MIPOL1: variants seen among roughly 807,000 people sequenced by gnomAD.
MIPOL1 encodes mirror-image polydactyly 1.
In MIPOL1, 57 loss-of-function variants were observed where a neutral mutation model predicts 60.9. The observed-to-expected ratio is 0.94, with a 90% CI of 0.76 to 1.17. The LOEUF (loss-of-function observed/expected upper bound fraction) is 1.17, where lower values mean the gene tolerates loss of function less well. Ranked by LOEUF, MIPOL1 falls within the 50% of genes most tolerant of loss-of-function variation. The pLI is 0.00. For synonymous variants in MIPOL1, 179 were observed against 168.8 expected (o/e 1.06, Z -0.47); for missense variants, 551 against 511.6 (o/e 1.08, Z -0.74).
intron 9 of MIPOL1, among the ~76,000 whole-genome samples, chr14:37,327,963 T>A (rs185964836): frequency 1.3e-5 from 2 of 151,940 alleles, no homozygotes; most frequent in East Asian, 3.9e-4. Flanking sequence ...GAGGTTAGAG[T>A]GTTGTTTGGG....
At position 37,548,256 on chromosome 14, in the gene MIPOL1, G is replaced by T. The variant is rs2095553102; in HGVS notation, c.*1285G>T. On this transcript the variant is annotated 3_prime_UTR_variant, in exon 13 of 13. Transcript: ENST00000684589. ...ATAAGTACATTCAGGACAATTTATT[G>T]TACCATTCTTTCATATACCATAGCA... 1 of 151,876 alleles carries T rather than the reference G, an allele frequency of 6.6e-6. No homozygotes were observed. Among genetic ancestry groups the T allele is most frequent in the East Asian group, 1.9e-4 (1 of 5,186 alleles). 9.4% of individuals were successfully genotyped at this position (151,876 alleles called of 1,614,324 possible).
intron 12 of MIPOL1, chr14:37,545,921 GA>G (rs1479920502): frequency 1.9e-5 from 6 of 320,202 alleles, no homozygotes; most frequent in Non-Finnish European, 3.4e-5. Flanking sequence ...GTCTTTGAGA[GA>G]GGAAGATTGT....
Position 37,204,838 on chromosome 14 carries a change from G to T in MIPOL1, c.-199+6734G>T, listed in dbSNP as rs534142798. On this transcript the variant is annotated intron_variant, in intron 1 of 12. Coordinates refer to ENST00000684589, the MANE Select transcript of MIPOL1 (RefSeq NM_001388067.1). ...CTTTGAAACTGGGTAACAAGCAGAG[G>T]CTGGAATAGTTTGGAGGGCTCAGAA... Among the ~76,000 whole-genome samples, 3 of 152,200 alleles carry T rather than the reference G, an allele frequency of 2.0e-5. No homozygotes were observed. The South Asian group carries it at 6.2e-4, about 32-fold the overall frequency.
chr14:37,330,421 A>G (rs2089566164), intron 9 of MIPOL1, among the ~76,000 whole-genome samples: 1 of 152,140 alleles, frequency 6.6e-6, no homozygotes, highest in Non-Finnish European at 1.5e-5. Context: ...ATACCAACAT[A>G]GTGTTCTTAA....
At chr14:37,498,526 G>T (rs1054120343) in intron 11 of MIPOL1, among the ~76,000 whole-genome samples, 5 of 152,062 alleles carry the variant, frequency 3.3e-5, no homozygotes, top group African/African-American at 1.2e-4. Context: ...AGTAAAATGG[G>T]CAAGAGACAG....
intron 9 of MIPOL1, among the ~76,000 whole-genome samples, chr14:37,314,229 T>C (rs1246623346): frequency 1.3e-5 from 2 of 152,174 alleles, no homozygotes; most frequent in Admixed American, 6.6e-5. Context: ...AATATTGTAA[T>C]GAAAAGTACA....
At chr14:37,224,383 A>G (rs556462460) in intron 1 of MIPOL1, among the ~76,000 whole-genome samples, 2 of 152,302 alleles carry the variant, frequency 1.3e-5, no homozygotes, top group South Asian at 4.1e-4. Context: ...CATACCCATG[A>G]CCAGGCAATT....
chr14:37,294,673 G>A (rs1594957130), intron 7 of MIPOL1, among the ~76,000 whole-genome samples: 1 of 152,192 alleles, frequency 6.6e-6, no homozygotes, highest in African/African-American at 2.4e-5. Flanking sequence ...ACAAGCCTCA[G>A]TAACCGATGC....
chr14:37,295,767 A>G (rs900888094), intron 7 of MIPOL1, among the ~76,000 whole-genome samples: 4 of 152,182 alleles, frequency 2.6e-5, no homozygotes, highest in Non-Finnish European at 5.9e-5. Flanking sequence ...TCCTAAATAT[A>G]TATGTACCCA....
intron 9 of MIPOL1, among the ~76,000 whole-genome samples, chr14:37,310,503 A>C (rs2087227501): frequency 6.6e-6 from 1 of 152,058 alleles, no homozygotes; most frequent in Non-Finnish European, 1.5e-5. Context: ...TTTCTACTTT[A>C]CTTTTTTCTA....
At chr14:37,349,976 T>C (rs113426735) in intron 9 of MIPOL1, among the ~76,000 whole-genome samples, 5 of 149,540 alleles carry the variant, frequency 3.3e-5, no homozygotes, top group African/African-American at 1.0e-4. Flanking sequence ...AGTTCTAATA[T>C]TTTTTTTTAA....
intron 7 of MIPOL1, 40 bp downstream of exon 7, chr14:37,285,487 C>G (rs1301033274): frequency 6.3e-7 from 1 of 1,588,686 alleles, no homozygotes; most frequent in Middle Eastern, 1.7e-4. Context: ...ATTAGGAACA[C>G]TTATAAAAGG....
chr14:37,359,741 G>T (rs2092106636), intron 9 of MIPOL1, among the ~76,000 whole-genome samples: 1 of 152,132 alleles, frequency 6.6e-6, no homozygotes, highest in African/African-American at 2.4e-5. Context: ...AGACGATGGG[G>T]TTTTCTAAAT....
intron 10 of MIPOL1, among the ~76,000 whole-genome samples, chr14:37,419,314 A>G (rs1455069366): frequency 4.6e-5 from 7 of 152,226 alleles, no homozygotes; most frequent in Non-Finnish European, 8.8e-5. Context: ...AGGGACAAAA[A>G]TCACATCACT....
In MIPOL1 at chr14:37,308,475, G is replaced by A. The variant is rs1475441650; in HGVS notation, c.784G>A (p.Glu262Lys). The A allele has an allele frequency of 1.9e-6, 3 of 1,600,666 alleles. No individual in the cohort carries two copies. Among genetic ancestry groups the A allele is most frequent in the Admixed American group, 1.8e-5 (1 of 56,592 alleles). The stretch of plus-strand genomic sequence containing the variant: ...ATGTAAAATGAGAATAACTGCAGAA[G>A]AAATGAGTGCACTAATAGAAGAACG... ...KECKMRITAE[E>K]MSALIEERDA... The change falls in exon 9 of 13, where the codon GAA (glutamate) becomes AAA (lysine). Residue 262 changes from glutamate (E) to lysine (K), a missense_variant. Physicochemically the swap from Glu to Lys is moderately conservative, Grantham distance 56. Transcript: ENST00000684589.
intron 1 of MIPOL1, among the ~76,000 whole-genome samples, chr14:37,236,030 G>C (rs1231997363): frequency 6.6e-6 from 1 of 151,550 alleles, no homozygotes; most frequent in Non-Finnish European, 1.5e-5. Context: ...GGGTTCAAAT[G>C]ATTCTCCTGT....
intron 11 of MIPOL1, among the ~76,000 whole-genome samples, chr14:37,451,765 A>G (rs2094419835): frequency 6.6e-6 from 1 of 151,532 alleles, no homozygotes; most frequent in Non-Finnish European, 1.5e-5. Context: ...AAAATGTATC[A>G]AAGAAATCAT....
chr14:37,376,035 G>T (rs2092768197), intron 10 of MIPOL1, among the ~76,000 whole-genome samples: 1 of 151,960 alleles, frequency 6.6e-6, no homozygotes, highest in Non-Finnish European at 1.5e-5. Context: ...AATAAACTTT[G>T]CTTTTTAGAG....
intron 9 of MIPOL1, among the ~76,000 whole-genome samples, chr14:37,330,792 A>G (rs1283137401): frequency 6.6e-5 from 10 of 150,596 alleles, no homozygotes; most frequent in Non-Finnish European, 1.3e-4. Context: ...ACTAAAATAC[A>G]CAGAGTACAC....
Sources: allele counts gnomAD v4.1 joint callset (sites outside exome capture counted in the v4.1 genomes callset), GRCh38; gene constraint gnomAD v4.1.1; transcripts MANE v1.5; gene names NCBI Gene and HGNC (gene_info 2026-07-23, HGNC 2026-07-21).